NUCB2: variants seen among roughly 807,000 people sequenced by gnomAD.
NUCB2 encodes nucleobindin 2, also known as nucleobindin-2.
A neutral mutation model predicts 57.9 loss-of-function variants in NUCB2; 48 were observed. The ratio of observed to expected loss-of-function variants is 0.83; its 90% confidence interval spans 0.66 to 1.05. NUCB2 has a LOEUF of 1.05. Ranked by LOEUF, NUCB2 falls within the 50% of genes least tolerant of loss-of-function variation. The pLI is 0.00. For synonymous variants in NUCB2, 139 were observed against 152.1 expected, an observed-to-expected ratio of 0.91 and a Z score of 0.64; for missense variants, 442 against 476.2, an observed-to-expected ratio of 0.93 and a Z score of 0.67.
At chr11:17,290,724 CT>C (rs1944781487) in intron 2 of NUCB2, among the ~76,000 whole-genome samples, 1 of 151,970 alleles carries the variant, frequency 6.6e-6, no homozygotes, top group African/African-American at 2.4e-5. Context: ...TTTTCATGTG[CT>C]TTTCTAGTGA....
intron 5 of NUCB2, among the ~76,000 whole-genome samples, chr11:17,304,394 A>G (rs1947284998): frequency 6.6e-6 from 1 of 152,060 alleles, no homozygotes; most frequent in African/African-American, 2.4e-5. Context: ...GTGTTTCACC[A>G]TGTTGGTCAG....
intron 2 of NUCB2, among the ~76,000 whole-genome samples, chr11:17,348,319 G>GT (rs55741571): frequency 1.4e-4 from 12 of 84,466 alleles, no homozygotes; most frequent in South Asian, 4.7e-4. Context: ...TTGTTTTTGT[G>GT]TTTTTTTTTT....
At chr11:17,292,598 C>G (rs1945122423) in intron 2 of NUCB2, among the ~76,000 whole-genome samples, 2 of 152,094 alleles carry the variant, frequency 1.3e-5, no homozygotes, top group Admixed American at 6.5e-5. Flanking sequence ...GCTGCTGGCC[C>G]AGGGACCATA....
At chr11:17,308,001 TA>T (rs1361077507) in intron 5 of NUCB2, among the ~76,000 whole-genome samples, 1 of 152,174 alleles carries the variant, frequency 6.6e-6, no homozygotes, top group Admixed American at 6.6e-5. Flanking sequence ...TGAGTGAGGT[TA>T]AGGGTCTTTT....
intron 2 of NUCB2, among the ~76,000 whole-genome samples, chr11:17,285,772 A>G (rs926917429): frequency 6.7e-6 from 1 of 149,872 alleles, no homozygotes; most frequent in Non-Finnish European, 1.5e-5. Context: ...AAAAAGATAT[A>G]TAAAGGAGGA....
At chr11:17,347,965 T>G (rs1179019482) in intron 2 of NUCB2, among the ~76,000 whole-genome samples, 2 of 152,218 alleles carry the variant, frequency 1.3e-5, no homozygotes, top group Non-Finnish European at 2.9e-5. Flanking sequence ...AAAAATAATT[T>G]TATGTCTTTT....
chr11:17,330,124 TAGACA>T lies in NUCB2; in HGVS notation c.1003-2_1005del, dbSNP rs1188978649. The T allele has an allele frequency of 2.1e-6, 3 of 1,429,468 alleles. No individual in the cohort carries two copies. The highest frequency in any genetic ancestry group is 2.2e-5 in the Admixed American group (1 of 45,258). The allele number at this position is 1,429,468 out of a possible 1,614,324, so 88.5% of individuals were successfully genotyped here. ...TATTCTTTCCTCATTTTTTTTCTTTTAGACATTAGATCAGCAACAGTTCTTCACAG... is the reference window on the plus strand; with the variant it reads ...TATTCTTTCCTCATTTTTTTTCTTTTTTAGATCAGCAACAGTTCTTCACAG... On this transcript the variant is annotated splice_acceptor_variant and coding_sequence_variant, in exon 12 of 14. Coordinates refer to ENST00000529010, the MANE Select transcript of NUCB2 (RefSeq NM_005013.4). LOFTEE classifies it high-confidence loss of function. The surrounding 1 kb of genome is among the most constrained non-coding windows in gnomAD (Gnocchi z 4.3).
rs1565376777 is a variant in NUCB2 at position 17,288,928 on chromosome 11, CACACACACACACACACACACACATAT to C, written c.-1+5987_-1+6012del. On this transcript the variant is annotated intron_variant, in intron 2 of 13. Transcript: ENST00000529010. ...ACACACACACACACACACACACACA[CACACACACACACACACACACACATAT>C]ATATATATATTTTTTTTTTTTGAGA... is the stretch of plus-strand genomic sequence containing the variant. Among the ~76,000 whole-genome samples, 11 of 89,450 alleles carry C rather than the reference CACACACACACACACACACACACATAT, an allele frequency of 1.2e-4. No homozygotes were observed. The East Asian group carries it at 2.8e-3, about 23-fold the overall frequency. 58.7% of individuals were successfully genotyped at this position (89,450 alleles called of 152,430 possible).
chr11:17,295,960 A>G, intron 3 of NUCB2, 144 bp from the exon 4 acceptor site: 1 of 504,678 alleles, frequency 2.0e-6, no homozygotes, highest in South Asian at 3.2e-5. Context: ...TATTTCAGAA[A>G]TATAGCTTTT....
Position 17,310,957 on chromosome 11 carries a change from A to G in NUCB2, c.616A>G (p.Lys206Glu), listed in dbSNP as rs1565429744. 1.9e-6 allele frequency: 3 copies of G among 1,587,616 alleles called. No homozygotes were observed. The highest frequency in any genetic ancestry group is 1.2e-5 in the South Asian group (1 of 84,860). The change falls in exon 7 of 14, where the codon AAA (lysine) becomes GAA (glutamate). Residue 206 changes from lysine (K) to glutamate (E), a missense_variant. Transcript: ENST00000529010. ...NEEKRKEEES[K>E]FEEMKKKHEN... ...AGAAAAGAGAAAAGAAGAAGAGTCT[A>G]AATTTGAAGAAATGAAGAAAAAGCA...
intron 10 of NUCB2, among the ~76,000 whole-genome samples, chr11:17,314,009 T>C (rs1386953988): frequency 1.3e-5 from 2 of 152,144 alleles, no homozygotes; most frequent in Non-Finnish European, 2.9e-5. Flanking sequence ...ACAGTTCTCC[T>C]TGTGTTTAAC....
chr11:17,331,301 T>A (rs911753923), intron 13 of NUCB2, 111 bp from the exon 14 acceptor site: 3 of 551,436 alleles, frequency 5.4e-6, no homozygotes, highest in Admixed American at 3.7e-5. Context: ...AAAATTGTGA[T>A]CTATGATTAG....
At chr11:17,279,559 T>A (rs1942099122) in intron 1 of NUCB2, among the ~76,000 whole-genome samples, 1 of 152,118 alleles carries the variant, frequency 6.6e-6, no homozygotes, top group Non-Finnish European at 1.5e-5. Context: ...ATAAAATGAA[T>A]AACAGTAATA....
intron 11 of NUCB2, 130 bp downstream of exon 11, chr11:17,315,605 T>G: frequency 2.2e-6 from 1 of 464,828 alleles, no homozygotes; most frequent in Non-Finnish European, 3.8e-6. Flanking sequence ...TATATAAATG[T>G]CAGTATAAAA....
intron 11 of NUCB2, among the ~76,000 whole-genome samples, chr11:17,328,254 C>T (rs967910557): frequency 6.6e-6 from 1 of 152,228 alleles, no homozygotes; most frequent in Non-Finnish European, 1.5e-5. Context: ...TGGTCTCTCT[C>T]TCTGTGCTGA....
Position 17,315,372 on chromosome 11 carries a change from T to C in NUCB2, c.913-14T>C, listed in dbSNP as rs748266425. On this transcript the variant is annotated splice_polypyrimidine_tract_variant and intron_variant, in intron 10 of 13. Transcript: ENST00000529010. ...GATTTACTTTATATTATGTATACAT[T>C]TTGTTTTAATCAGGTTGATACTAAC... The C allele has an allele frequency of 2.1e-6, 3 of 1,461,248 alleles. No homozygotes were observed. The South Asian group carries it at 3.6e-5, about 18-fold the overall frequency. 90.5% of individuals were successfully genotyped at this position (1,461,248 alleles called of 1,614,324 possible).
chr11:17,306,594 A>G (rs953810037), intron 5 of NUCB2, among the ~76,000 whole-genome samples: 6 of 152,162 alleles, frequency 3.9e-5, no homozygotes, highest in African/African-American at 1.4e-4. Flanking sequence ...TCTTCATTCC[A>G]AGATGGGTAC....
chr11:17,282,234 ATC>A (rs1236496572), intron 1 of NUCB2, among the ~76,000 whole-genome samples: 42 of 61,872 alleles, frequency 6.8e-4, no homozygotes, highest in Admixed American at 2.1e-3. Flanking sequence ...CTATCTATCT[ATC>A]TATATATATA....
At chr11:17,288,309 A>G (rs1439830841) in intron 2 of NUCB2, among the ~76,000 whole-genome samples, 3 of 152,102 alleles carry the variant, frequency 2.0e-5, no homozygotes, top group Non-Finnish European at 2.9e-5. Flanking sequence ...TCTATATAGT[A>G]TACAATGGTG....
Sources: allele counts gnomAD v4.1 joint callset (sites outside exome capture counted in the v4.1 genomes callset), GRCh38; gene constraint gnomAD v4.1.1; non-coding constraint Gnocchi (gnomAD v3.1); transcripts MANE v1.5; gene names NCBI Gene and HGNC (gene_info 2026-07-23, HGNC 2026-07-21).